The following OXSR1 variants were observed in gnomAD, a reference collection of about 807,000 sequenced individuals.
OXSR1 encodes oxidative stress responsive kinase 1, also known as serine/threonine-protein kinase OSR1.
OXSR1 carries 24 observed loss-of-function variants against 79.8 expected under a neutral mutation model. The ratio of observed to expected loss-of-function variants is 0.30; its 90% CI spans 0.22 to 0.42. The LOEUF (loss-of-function observed/expected upper bound fraction) is 0.42. Ranked by LOEUF, OXSR1 falls within the 10% of genes least tolerant of loss-of-function variation. OXSR1 has a pLI of 1.00. For synonymous variants in OXSR1, 226 were observed against 209.2 expected (o/e 1.08, Z -0.69); for missense variants, 430 against 618.4 (o/e 0.70, Z 3.23).
At chr3:38,183,217 T>C in intron 2 of OXSR1, 102 bp downstream of exon 2, 1 of 514,378 alleles carries the variant, frequency 1.9e-6, no homozygotes, top group Non-Finnish European at 3.3e-6. Flanking sequence ...TTTAAAAAAG[T>C]TTATGATTTC....
chr3:38,229,537 C>T (rs925649342), intron 8 of OXSR1, 150 bp from the exon 9 acceptor site: 2 of 566,756 alleles, frequency 3.5e-6, no homozygotes, highest in Non-Finnish European at 6.2e-6. Context: ...GTTTATTTTA[C>T]TTTTGCTTTT....
intron 2 of OXSR1, among the ~76,000 whole-genome samples, chr3:38,184,601 A>G (rs926829492): frequency 6.6e-6 from 1 of 152,218 alleles, no homozygotes; most frequent in African/African-American, 2.4e-5. Context: ...AGTAAAATGA[A>G]TGAAAGTCTT....
intron 4 of OXSR1, among the ~76,000 whole-genome samples, chr3:38,207,332 A>G (rs2125825863): frequency 6.6e-6 from 1 of 152,342 alleles, no homozygotes; most frequent in Middle Eastern, 3.4e-3. Flanking sequence ...ACATCAGTCC[A>G]GTATGATGAC....
intron 7 of OXSR1, 72 bp from the exon 8 acceptor site, chr3:38,224,499 A>G (rs532274357): frequency 1.4e-5 from 18 of 1,259,228 alleles, no homozygotes; most frequent in East Asian, 7.6e-5. Context: ...GCCTGTATTG[A>G]AAAATCTTGA....
chr3:38,182,735 G>GT (rs1357318444), intron 1 of OXSR1, among the ~76,000 whole-genome samples: 13 of 152,284 alleles, frequency 8.5e-5, no homozygotes, highest in African/African-American at 2.9e-4. Context: ...GAGGAGAGGA[G>GT]TGAGGAAATG....
chr3:38,203,791 C>T lies in OXSR1; in HGVS notation c.434+4928C>T, dbSNP rs561612424. ...GACTGTCCTGGATCAGACTTGAAGACATCACAGCACTGAGTCTTCCCCAGG... is the reference window on the plus strand; with the variant it reads ...GACTGTCCTGGATCAGACTTGAAGATATCACAGCACTGAGTCTTCCCCAGG... On this transcript the variant is annotated intron_variant, in intron 4 of 17. Coordinates refer to ENST00000311806, the MANE Select transcript of OXSR1 (RefSeq NM_005109.3). 4.6e-5 allele frequency among the ~76,000 whole-genome samples: 7 copies of T among 152,278 alleles called. No individual in the cohort carries two copies. In the South Asian group the frequency reaches 1.5e-3, roughly 32 times the overall value.
At chr3:38,236,984 C>G in intron 11 of OXSR1, 23 bp downstream of exon 11, 1 of 1,596,362 alleles carries the variant, frequency 6.3e-7, no homozygotes, top group Non-Finnish European at 8.5e-7. Context: ...AAACTGTGTA[C>G]TTTAGCTAGA....
intron 12 of OXSR1, among the ~76,000 whole-genome samples, chr3:38,243,925 T>G (rs1314677787): frequency 1.3e-5 from 2 of 152,202 alleles, no homozygotes; most frequent in Non-Finnish European, 2.9e-5. Context: ...TTAGCAGAAG[T>G]GAGAACCACT....
intron 4 of OXSR1, among the ~76,000 whole-genome samples, chr3:38,205,157 T>C (rs2125824456): frequency 6.7e-6 from 1 of 149,828 alleles, no homozygotes; most frequent in South Asian, 2.1e-4. Context: ...TTCTGGGAAA[T>C]GGGGAAGGGG....
chr3:38,218,569 G>C (rs1009789113), intron 5 of OXSR1, among the ~76,000 whole-genome samples: 6 of 151,592 alleles, frequency 4.0e-5, no homozygotes, highest in African/African-American at 1.5e-4. Flanking sequence ...ACATATTTTG[G>C]ATGCCAATCC....
At chr3:38,235,899 C>T (rs941715235) in intron 10 of OXSR1, among the ~76,000 whole-genome samples, 1 of 152,112 alleles carries the variant, frequency 6.6e-6, no homozygotes, top group Admixed American at 6.6e-5. Context: ...GTCATGTGAT[C>T]CAGGACGCAC....
rs1370885598 is a variant in OXSR1, at chr3:38,165,642, C to G, written c.-235C>G. 3.9e-6 allele frequency: 2 copies of G among 512,476 alleles called. No homozygotes were observed. Among genetic ancestry groups the G allele is most frequent in the African/African-American group, 2.1e-5 (1 of 48,390 alleles). The allele number at this position is 512,476 out of a possible 1,614,324, so 31.7% of individuals were successfully genotyped here. ...GCCGAGGACAGGACGTGGGCTGGGCCGGGCAGTGCCGGACTCGGAGGAGCA... is the reference window on the plus strand; with the variant it reads ...GCCGAGGACAGGACGTGGGCTGGGCGGGGCAGTGCCGGACTCGGAGGAGCA... On this transcript the variant is annotated 5_prime_UTR_variant, in exon 1 of 18. Coordinates refer to ENST00000311806, the MANE Select transcript of OXSR1 (RefSeq NM_005109.3).
chr3:38,235,385 A>G (rs901824651), intron 10 of OXSR1, among the ~76,000 whole-genome samples: 1 of 152,164 alleles, frequency 6.6e-6, no homozygotes, highest in Non-Finnish European at 1.5e-5. Flanking sequence ...TATAGATAAC[A>G]AAAAAGCTGA....
intron 5 of OXSR1, among the ~76,000 whole-genome samples, chr3:38,219,329 A>C (rs1702543475): frequency 6.6e-6 from 1 of 152,206 alleles, no homozygotes; most frequent in African/African-American, 2.4e-5. Context: ...GGTTTTTAGT[A>C]GGTTTTAAAA....
At chr3:38,201,403 A>T (rs886323940) in intron 4 of OXSR1, among the ~76,000 whole-genome samples, 1 of 151,482 alleles carries the variant, frequency 6.6e-6, no homozygotes, top group Non-Finnish European at 1.5e-5. Flanking sequence ...CTCTACAAAA[A>T]AATTTTTTAA....
chr3:38,205,988 TCATGTGCATTTGGTTGC>T (rs1455022712), intron 4 of OXSR1, among the ~76,000 whole-genome samples: 2 of 152,242 alleles, frequency 1.3e-5, no homozygotes, highest in African/African-American at 4.8e-5. Flanking sequence ...ACCCCACTCT[TCATGTGCATTTGGTTGC>T]CTTGAGATTA....
intron 1 of OXSR1, among the ~76,000 whole-genome samples, chr3:38,181,910 A>G (rs934126392): frequency 2.0e-5 from 3 of 151,406 alleles, no homozygotes; most frequent in African/African-American, 7.3e-5. Context: ...TTAATGAGAC[A>G]GGTTCTTGCT....
At chr3:38,247,118 G>A (rs937100248) in intron 13 of OXSR1, among the ~76,000 whole-genome samples, 2 of 151,950 alleles carry the variant, frequency 1.3e-5, no homozygotes, top group Non-Finnish European at 2.9e-5. Flanking sequence ...AAAAGATACA[G>A]TTGTCTTAGG....
At chr3:38,233,247 C>T (rs533675678) in intron 10 of OXSR1, among the ~76,000 whole-genome samples, 1 of 152,350 alleles carries the variant, frequency 6.6e-6, no homozygotes, top group South Asian at 2.1e-4. Context: ...ATCCATATCA[C>T]TTCATTCAAC....
Sources: allele counts gnomAD v4.1 joint callset (sites outside exome capture counted in the v4.1 genomes callset), GRCh38; gene constraint gnomAD v4.1.1; transcripts MANE v1.5; gene names NCBI Gene and HGNC (gene_info 2026-07-23, HGNC 2026-07-21).